Variants in CCDC102B observed in about 807,000 individuals in gnomAD.
CCDC102B encodes the protein coiled-coil domain containing 102B.
Under a neutral mutation model 57.4 loss-of-function variants are expected in CCDC102B, and 75 were observed. That is an observed-to-expected ratio of 1.31 (90% CI 1.08 to 1.58). The LOEUF (loss-of-function observed/expected upper bound fraction) is 1.58. Among genes scored for constraint, CCDC102B ranks in the 40% most tolerant of loss-of-function variants. The pLI is 0.00. For synonymous variants in CCDC102B, 206 were observed against 201.9 expected, an observed-to-expected ratio of 1.02 and a Z score of -0.17; for missense variants, 636 against 582.6, an observed-to-expected ratio of 1.09 and a Z score of -0.94.
intron 1 of CCDC102B, among the ~76,000 whole-genome samples, chr18:68,829,407 A>C (rs1281964520): frequency 6.6e-6 from 1 of 152,038 alleles, no homozygotes; most frequent in Non-Finnish European, 1.5e-5. Flanking sequence ...TGTGGAATAC[A>C]GTTTAGCCAA....
intron 6 of CCDC102B, among the ~76,000 whole-genome samples, chr18:68,911,348 A>G (rs2040838923): frequency 6.6e-6 from 1 of 152,196 alleles, no homozygotes; most frequent in African/African-American, 2.4e-5. Context: ...AAAACCAAAT[A>G]AAGCATGTTC....
rs142758749 is a variant in CCDC102B, at chr18:68,897,251, G to A, written c.1086G>A (p.Glu362=). ...GATTGCAAGCTGAAAATACCTCGGA[G>A]TGGGACAAGAGGGAAATACTTGAAA... The part of the protein sequence containing the change: ...LERLQAENTS[E]WDKREILERE... Residue 362 remains glutamate (E), a synonymous_variant, in exon 6 of 8, where the codon GAG becomes GAA. Transcript: ENST00000360242. 329 of 1,612,944 alleles carry A rather than the reference G, an allele frequency of 2.0e-4. No homozygotes were observed. The highest frequency in any genetic ancestry group is 2.6e-4 in the Non-Finnish European group (310 of 1,179,180).
intron 6 of CCDC102B, among the ~76,000 whole-genome samples, chr18:68,928,677 C>A (rs1443543636): frequency 6.6e-6 from 1 of 151,840 alleles, no homozygotes; most frequent in Non-Finnish European, 1.5e-5. Context: ...ACAAACTACT[C>A]TTTTAAGATA....
chr18:68,841,972 C>G (rs2037654232), intron 3 of CCDC102B, among the ~76,000 whole-genome samples: 1 of 152,046 alleles, frequency 6.6e-6, no homozygotes, highest in Non-Finnish European at 1.5e-5. Flanking sequence ...CTCCTGGCCT[C>G]AAGTGATCTA....
chr18:68,876,698 G>C (rs1264060481), intron 5 of CCDC102B, among the ~76,000 whole-genome samples: 1 of 152,092 alleles, frequency 6.6e-6, no homozygotes, highest in African/African-American at 2.4e-5. Context: ...AATGAAAGCA[G>C]GTTAATTCAG....
chr18:69,007,245 A>G (rs1422939670), intron 6 of CCDC102B, among the ~76,000 whole-genome samples: 1 of 152,154 alleles, frequency 6.6e-6, no homozygotes, highest in Non-Finnish European at 1.5e-5. Flanking sequence ...CTATGAACAC[A>G]GTTAGAGTAT....
intron 3 of CCDC102B, 63 bp from the exon 4 acceptor site, chr18:68,846,250 C>T: frequency 1.0e-6 from 1 of 974,830 alleles, no homozygotes; most frequent in Non-Finnish European, 1.4e-6. Flanking sequence ...AAATTGAATG[C>T]ATCCTTGAAA....
At chr18:68,980,404 A>G (rs2050548719) in intron 6 of CCDC102B, among the ~76,000 whole-genome samples, 1 of 151,904 alleles carries the variant, frequency 6.6e-6, no homozygotes, top group African/African-American at 2.4e-5. Context: ...TGAAAAAAAA[A>G]AAAAAATTCT....
chr18:68,807,812 T>G (rs1451106118), intron 1 of CCDC102B, among the ~76,000 whole-genome samples: 1 of 152,158 alleles, frequency 6.6e-6, no homozygotes. Context: ...ATTTTTTATT[T>G]TCTTTATTGC....
intron 6 of CCDC102B, among the ~76,000 whole-genome samples, chr18:69,010,618 TTTATA>T (rs2051488510): frequency 6.6e-6 from 1 of 152,188 alleles, no homozygotes; most frequent in African/African-American, 2.4e-5. Context: ...TTTGCATGCA[TTTATA>T]TTATTTTATT....
intron 2 of CCDC102B, among the ~76,000 whole-genome samples, chr18:68,771,078 G>A (rs1400114550): frequency 6.6e-6 from 1 of 152,190 alleles, no homozygotes; most frequent in Non-Finnish European, 1.5e-5. Context: ...AGATAGATTT[G>A]GGGAATTCCC....
At chr18:69,040,696 A>G (rs1419453493) in intron 7 of CCDC102B, among the ~76,000 whole-genome samples, 1 of 152,004 alleles carries the variant, frequency 6.6e-6, no homozygotes, top group African/African-American at 2.4e-5. Flanking sequence ...AAATATGTCA[A>G]CGTTTTGTGA....
At chr18:68,807,921 A>G (rs937240025) in intron 1 of CCDC102B, among the ~76,000 whole-genome samples, 1 of 152,180 alleles carries the variant, frequency 6.6e-6, no homozygotes, top group African/African-American at 2.4e-5. Context: ...ATAAATTACT[A>G]ATTTATTTTG....
At chr18:68,731,358 C>T (rs911560303) in intron 2 of CCDC102B, among the ~76,000 whole-genome samples, 3 of 152,052 alleles carry the variant, frequency 2.0e-5, no homozygotes, top group Non-Finnish European at 4.4e-5. Flanking sequence ...TAATCTAGTT[C>T]CTGTGTCCTT....
Position 68,897,411 on chromosome 18 carries a change from C to G in CCDC102B, c.1246C>G (p.Leu416Val). The G allele has an allele frequency of 6.2e-7, 1 of 1,610,138 alleles. No individual in the cohort carries two copies. The highest frequency in any genetic ancestry group is 8.5e-7 in the Non-Finnish European group (1 of 1,178,336). The change falls in exon 6 of 8, where the codon CTG (leucine) becomes GTG (valine). Residue 416 changes from leucine to valine, a missense_variant. Physicochemically the swap from Leu to Val is conservative, Grantham distance 32. Transcript: ENST00000360242. ...TGATTTCAAGATGTCACAAATTGAT[C>G]TGCAAGAAAAAAACCAGGTATGGGT... ...SPDFKMSQID[L>V]QEKNQELLNL...
At chr18:68,929,522 CAGG>C (rs2041595126) in intron 6 of CCDC102B, among the ~76,000 whole-genome samples, 1 of 152,024 alleles carries the variant, frequency 6.6e-6, no homozygotes, top group South Asian at 2.1e-4. Flanking sequence ...AAGGCAAAAA[CAGG>C]AGGCCTGAGC....
At chr18:68,935,685 CAGA>C (rs1360418512) in intron 6 of CCDC102B, among the ~76,000 whole-genome samples, 2 of 151,788 alleles carry the variant, frequency 1.3e-5, no homozygotes, top group Non-Finnish European at 2.9e-5. Context: ...GCAACCAGGC[CAGA>C]AGATTTTGCC....
intron 3 of CCDC102B, among the ~76,000 whole-genome samples, chr18:68,842,585 G>A (rs2037683075): frequency 6.6e-6 from 1 of 152,092 alleles, no homozygotes; most frequent in Admixed American, 6.6e-5. Flanking sequence ...ATACCGCAAG[G>A]CAATAGACAG....
At chr18:68,955,277 A>C (rs931866666) in intron 6 of CCDC102B, among the ~76,000 whole-genome samples, 1 of 152,168 alleles carries the variant, frequency 6.6e-6, no homozygotes, top group African/African-American at 2.4e-5. Flanking sequence ...GAAAAAACAC[A>C]ATAGGAAAAT....
Sources: gnomAD v4.1 joint callset for allele counts (sites outside exome capture counted in the v4.1 genomes callset) on GRCh38, gnomAD v4.1.1 for gene constraint, MANE v1.5 for transcripts, NCBI Gene and HGNC (gene_info 2026-07-23, HGNC 2026-07-21) for gene names.